The following ING5 variants were observed in gnomAD, a reference collection of about 807,000 sequenced individuals.
ING5 encodes inhibitor of growth protein 5.
In ING5, 17 loss-of-function variants were observed where a neutral mutation model predicts 37.4. The ratio of observed to expected loss-of-function variants is 0.45; its 90% CI spans 0.31 to 0.68. The LOEUF (loss-of-function observed/expected upper bound fraction) is 0.68. Among genes scored for constraint, ING5 ranks in the 30% least tolerant of loss-of-function variants. The pLI is 0.05. For synonymous variants in ING5, 123 were observed against 116.6 expected, an observed-to-expected ratio of 1.06 and a Z score of -0.36; for missense variants, 233 against 311.9, an observed-to-expected ratio of 0.75 and a Z score of 1.91.
chr2:241,721,178 C>T (rs957028801), intron 5 of ING5: 7 of 985,478 alleles, frequency 7.1e-6, no homozygotes, highest in Non-Finnish European at 8.4e-6. Context: ...GAGGAGACCG[C>T]AGGAGCCCCT....
chr2:241,721,820 C>A, intron 5 of ING5: 1 of 985,518 alleles, frequency 1.0e-6, no homozygotes, highest in Non-Finnish European at 1.2e-6. Flanking sequence ...GCATCCCTTT[C>A]AAACAGGAAA....
upstream of ING5, among the ~76,000 whole-genome samples, chr2:241,697,582 T>C (rs530357320): frequency 6.6e-6 from 1 of 152,272 alleles, no homozygotes; most frequent in South Asian, 2.1e-4. Flanking sequence ...GAAGCCATTC[T>C]GAAAAGGCTC....
At chr2:241,709,012 C>G (rs537024186) in intron 2 of ING5, 1 of 509,770 alleles carries the variant, frequency 2.0e-6, no homozygotes, top group African/African-American at 1.9e-5. Flanking sequence ...GGGCACGTTG[C>G]CGTAAAGTCT....
rs770500628 is a variant in ING5, at chr2:241,729,288, C to T, written c.*4257C>T. 6.6e-6 allele frequency: 1 copy of T among 152,578 alleles called. No homozygotes were observed. The allele number at this position is 152,578 out of a possible 1,614,324, so 9.5% of individuals were successfully genotyped here. A position where few individuals can be genotyped will look rare whatever the true frequency, so the allele number is the denominator to read the frequency against. ...ACCTTTAACCACGTTTCATCCAAAA[C>T]GATGATGCAGCTTTAACATGAATGT... On this transcript the variant is annotated 3_prime_UTR_variant, in exon 8 of 8. Transcript: ENST00000313552.
intron 3 of ING5, among the ~76,000 whole-genome samples, 196 bp from the exon 4 acceptor site, chr2:241,711,181 A>G (rs960209249): frequency 1.3e-5 from 2 of 152,220 alleles, no homozygotes; most frequent in Admixed American, 6.5e-5. Flanking sequence ...TTCCATTGCA[A>G]TGTCAAAATA....
At chr2:241,713,389 G>A (rs1441932053) in intron 5 of ING5, among the ~76,000 whole-genome samples, 1 of 29,818 alleles carries the variant, frequency 3.4e-5, no homozygotes. Flanking sequence ...TTTTTTTTTT[G>A]AGATGGAGTC....
At chr2:241,702,222 CGGGCGCGACGGG>C (rs2069755248) in intron 1 of ING5, 120 bp downstream of exon 1, 1 of 308,250 alleles carries the variant, frequency 3.2e-6, no homozygotes, top group Non-Finnish European at 4.7e-6. Context: ...CGGGCGCGGC[CGGGCGCGACGGG>C]GGGCGCGCGG....
intron 2 of ING5, among the ~76,000 whole-genome samples, chr2:241,705,346 G>A (rs141328782): frequency 0.078 from 11,748 of 151,188 alleles, 1,145 homozygotes; most frequent in African/African-American, 0.23. Flanking sequence ...CCAAAGTGCT[G>A]GGATTACAAG....
chr2:241,688,790 A>G (rs2124844539), intron 1 of ING5, among the ~76,000 whole-genome samples: 1 of 147,124 alleles, frequency 6.8e-6, no homozygotes, highest in South Asian at 2.2e-4. Context: ...CGCCCGGCTA[A>G]TTTTTGTATT....
rs1375495308 is a variant in ING5 at position 241,729,422 on chromosome 2, A to G, written c.*4391A>G. The G allele has an allele frequency of 1.3e-5, 2 of 152,638 alleles. No homozygotes were observed. The highest frequency in any genetic ancestry group is 1.3e-4 in the Admixed American group (2 of 15,282). The allele number at this position is 152,638 out of a possible 1,614,324, so 9.5% of individuals were successfully genotyped here. ...TAAAGATGTATATCAGTATTTTTGG[A>G]TCATGTTATAGATTATGGATATATT... On this transcript the variant is annotated 3_prime_UTR_variant, in exon 8 of 8. Transcript: ENST00000313552.
chr2:241,700,649 G>A (rs1026739542), upstream of ING5, among the ~76,000 whole-genome samples: 2 of 151,662 alleles, frequency 1.3e-5, no homozygotes, highest in Admixed American at 6.6e-5. Flanking sequence ...ATTTTGAGAC[G>A]GAGTCTTGCT....
chr2:241,723,953 T>C (rs1358445374), intron 7 of ING5: 1 of 1,260,138 alleles, frequency 7.9e-7, no homozygotes, highest in East Asian at 2.5e-5. Context: ...GAGGCTTCAG[T>C]GAGCTGAGAT....
At chr2:241,704,221 G>T (rs1341759949) in intron 1 of ING5, among the ~76,000 whole-genome samples, 2 of 152,080 alleles carry the variant, frequency 1.3e-5, no homozygotes, top group African/African-American at 4.8e-5. Context: ...CAGTCCTTCC[G>T]CTCCGCAAAC....
At position 241,692,029 on chromosome 2, in the gene ING5, CAG is replaced by C. The variant is rs547414613; in HGVS notation, c.43+1379_43+1380del. Among the ~76,000 whole-genome samples, 26 of 152,222 alleles carry C rather than the reference CAG, an allele frequency of 1.7e-4. No homozygotes were observed. In the East Asian group the frequency reaches 4.8e-3, roughly 28 times the overall value. On this transcript the variant is annotated intron_variant, in intron 2 of 7. Transcript: ENST00000636051. ...CGCCACTGCACTCCAGCCCAGGTGA[CAG>C]AGTGAGACCTTGTCTCAATTTTTAA... is the stretch of plus-strand genomic sequence containing the variant.
chr2:241,697,771 A>C (rs1276963093), upstream of ING5, among the ~76,000 whole-genome samples: 2 of 152,150 alleles, frequency 1.3e-5, no homozygotes, highest in African/African-American at 4.8e-5. Context: ...GACATTATAC[A>C]TTTGTCAAAA....
intron 1 of ING5, among the ~76,000 whole-genome samples, chr2:241,688,373 A>G (rs1226046347): frequency 6.6e-6 from 1 of 152,170 alleles, no homozygotes; most frequent in African/African-American, 2.4e-5. Flanking sequence ...TTGAGTTTGC[A>G]TTGGTTTTTT....
At chr2:241,711,888 G>A (rs567091811) in intron 4 of ING5, 90 bp from the exon 5 acceptor site, 2 of 1,164,710 alleles carry the variant, frequency 1.7e-6, no homozygotes, top group South Asian at 3.1e-5. Context: ...CTGGGAGACA[G>A]AGCGAGACCC....
At chr2:241,712,134 A>G in intron 5 of ING5, 63 bp downstream of exon 5, 1 of 1,307,676 alleles carries the variant, frequency 7.6e-7, no homozygotes, top group Non-Finnish European at 1.1e-6. Context: ...TCCCGGATGT[A>G]GGAACACTGA....
chr2:241,708,919 C>A (rs181876213), intron 2 of ING5, among the ~76,000 whole-genome samples: 403 of 152,292 alleles, frequency 2.6e-3, no homozygotes, highest in African/African-American at 9.3e-3. Context: ...AAGGTGGCTA[C>A]AAGTTATTCA....
Sources: allele counts gnomAD v4.1 joint callset (sites outside exome capture counted in the v4.1 genomes callset), GRCh38; gene constraint gnomAD v4.1.1; transcripts MANE v1.5; gene names NCBI Gene and HGNC (gene_info 2026-07-23, HGNC 2026-07-21).